MYO5B: variants seen among roughly 807,000 people sequenced by gnomAD.
The protein encoded by MYO5B is myosin VB.
MYO5B carries 143 observed loss-of-function variants against 229.3 expected under a neutral mutation model. That is an observed-to-expected ratio of 0.62 (90% CI 0.54 to 0.72). The LOEUF (loss-of-function observed/expected upper bound fraction) is 0.72. Among genes scored for constraint, MYO5B ranks in the 30% least tolerant of loss-of-function variants. MYO5B has a pLI of 0.00. For synonymous variants in MYO5B, 918 were observed against 885.2 expected (o/e 1.04, Z -0.66); for missense variants, 2,321 against 2,331.0 (o/e 1.00, Z 0.09).
Position 50,189,686 on chromosome 18 carries a change from T to G in MYO5B, c.27+5081A>C, listed in dbSNP as rs142756243. On this transcript the variant is annotated intron_variant, in intron 1 of 39. Coordinates refer to ENST00000285039, the MANE Select transcript of MYO5B (RefSeq NM_001080467.3). ...TCATGTCTTTAACACTGTCACCACT[T>G]TTTGGAAAAAAGAACATCACTCAGA... Among the ~76,000 whole-genome samples, 8 of 152,268 alleles carry G rather than the reference T, an allele frequency of 5.3e-5. No individual in the cohort carries two copies. In the East Asian group the frequency reaches 1.5e-3, roughly 29 times the overall value.
rs2025632185 is a variant in MYO5B at position 49,966,906 on chromosome 18, G to A, written c.1323-3876C>T. Among the ~76,000 whole-genome samples, 3 of 152,074 alleles carry A rather than the reference G, an allele frequency of 2.0e-5. No individual in the cohort carries two copies. The South Asian group carries it at 6.2e-4, about 32-fold the overall frequency. On this transcript the variant is annotated intron_variant, in intron 10 of 39. Transcript: ENST00000285039. The stretch of plus-strand genomic sequence containing the variant: ...CAGAAAGCCACAGTTGGGGAGATTG[G>A]GTAACTTTTCCTTTACAATGGAATT...
intron 1 of MYO5B, among the ~76,000 whole-genome samples, chr18:50,146,412 G>C (rs1432172275): frequency 2.6e-5 from 4 of 152,216 alleles, no homozygotes; most frequent in Non-Finnish European, 5.9e-5. Flanking sequence ...AAGATGACCT[G>C]ACTGCCCGCT....
chr18:49,946,439 A>C (rs1165600485), intron 14 of MYO5B: 2 of 152,160 alleles, frequency 1.3e-5, no homozygotes, highest in African/African-American at 4.8e-5. Flanking sequence ...CAAATTTTAG[A>C]GCATTCTAGA....
intron 1 of MYO5B, among the ~76,000 whole-genome samples, chr18:50,077,708 A>G (rs2031121737): frequency 6.6e-6 from 1 of 152,230 alleles, no homozygotes; most frequent in African/African-American, 2.4e-5. Flanking sequence ...ACTTCAAGAG[A>G]GACACTTGTA....
intron 11 of MYO5B, among the ~76,000 whole-genome samples, chr18:49,962,696 C>A (rs1410368878): frequency 0.013 from 5 of 396 alleles, 1 homozygote; most frequent in East Asian, 0.056. Flanking sequence ...TACCCTAACA[C>A]CTACGCTCAA....
chr18:49,916,937 A>C (rs1275591801), intron 17 of MYO5B, among the ~76,000 whole-genome samples: 1 of 152,192 alleles, frequency 6.6e-6, no homozygotes, highest in Non-Finnish European at 1.5e-5. Context: ...TTTTTCCAAA[A>C]ATAGAACTTT....
intron 1 of MYO5B, among the ~76,000 whole-genome samples, chr18:50,148,478 T>C (rs1244688787): frequency 6.6e-6 from 1 of 152,058 alleles, no homozygotes; most frequent in Non-Finnish European, 1.5e-5. Context: ...TTAAAAAGCT[T>C]ATCCGCCATG....
intron 10 of MYO5B, among the ~76,000 whole-genome samples, chr18:49,972,822 C>G (rs1402202557): frequency 6.6e-6 from 1 of 152,024 alleles, no homozygotes; most frequent in African/African-American, 2.4e-5. Context: ...GGAGAAGGGG[C>G]CTGCCTGGGG....
At chr18:50,029,818 G>C (rs563760454) in intron 4 of MYO5B, among the ~76,000 whole-genome samples, 2 of 152,278 alleles carry the variant, frequency 1.3e-5, no homozygotes, top group South Asian at 2.1e-4. Context: ...GGAGAGAAGA[G>C]GTTACTGGGG....
intron 16 of MYO5B, among the ~76,000 whole-genome samples, chr18:49,934,646 C>A (rs1229931768): frequency 6.6e-6 from 1 of 152,262 alleles, no homozygotes; most frequent in African/African-American, 2.4e-5. Flanking sequence ...ACGCTTCTAA[C>A]AGCCTCTTCT....
chr18:50,072,321 G>T (rs1259544706), intron 1 of MYO5B, among the ~76,000 whole-genome samples: 1 of 152,204 alleles, frequency 6.6e-6, no homozygotes, highest in East Asian at 1.9e-4. Flanking sequence ...GCTCTTCCAA[G>T]CTTCAGGGAT....
At chr18:49,947,196 C>G (rs12962004) in intron 14 of MYO5B, among the ~76,000 whole-genome samples, 1 of 150,524 alleles carries the variant, frequency 6.6e-6, no homozygotes, top group Non-Finnish European at 1.5e-5. Context: ...AACTCCACCT[C>G]CCGGGTTCAC....
intron 1 of MYO5B, among the ~76,000 whole-genome samples, chr18:50,069,790 T>TC (rs1321222204): frequency 6.6e-6 from 1 of 152,062 alleles, no homozygotes; most frequent in African/African-American, 2.4e-5. Flanking sequence ...AGACCTTGAC[T>TC]CCCCAGCCAG....
At chr18:50,075,663 A>G (rs1270841827) in intron 1 of MYO5B, among the ~76,000 whole-genome samples, 3 of 152,198 alleles carry the variant, frequency 2.0e-5, no homozygotes, top group Non-Finnish European at 4.4e-5. Flanking sequence ...TACAGGCTTT[A>G]GGCTTCTAGA....
chr18:49,954,467 T>A (rs936183590), intron 12 of MYO5B, 32 bp from the exon 13 acceptor site: 1 of 1,613,548 alleles, frequency 6.2e-7, no homozygotes, highest in Non-Finnish European at 8.5e-7. Flanking sequence ...CAGAGCGCTT[T>A]GTGAAGAGGA....
intron 17 of MYO5B, among the ~76,000 whole-genome samples, chr18:49,914,499 G>C (rs2024990914): frequency 6.6e-6 from 1 of 152,186 alleles, no homozygotes; most frequent in African/African-American, 2.4e-5. Flanking sequence ...TAAAAGTCTG[G>C]CCAGGTGTGG....
chr18:49,890,368 T>G (rs1442575815), intron 22 of MYO5B, among the ~76,000 whole-genome samples: 1 of 99,768 alleles, frequency 1.0e-5, no homozygotes, highest in African/African-American at 3.3e-5. Flanking sequence ...AGCAGCTCCT[T>G]TTTTTGGACT....
intron 1 of MYO5B, among the ~76,000 whole-genome samples, chr18:50,172,194 T>C (rs2032927952): frequency 6.7e-6 from 1 of 148,530 alleles, no homozygotes; most frequent in South Asian, 2.1e-4. Flanking sequence ...AGGGGAAGGA[T>C]CACTTGAGCC....
intron 1 of MYO5B, among the ~76,000 whole-genome samples, chr18:50,124,348 T>C (rs1396679407): frequency 2.0e-5 from 3 of 152,214 alleles, no homozygotes; most frequent in East Asian, 1.9e-4. Flanking sequence ...TTTGGTTGAA[T>C]AGACAATCAT....
Sources: gnomAD v4.1 joint callset for allele counts (sites outside exome capture counted in the v4.1 genomes callset) on GRCh38, gnomAD v4.1.1 for gene constraint, MANE v1.5 for transcripts, NCBI Gene and HGNC (gene_info 2026-07-23, HGNC 2026-07-21) for gene names.